The following HMGCL variants were observed in gnomAD, a reference collection of about 807,000 sequenced individuals.
The protein encoded by HMGCL is 3-hydroxy-3-methylglutaryl-CoA lyase, also known as hydroxymethylglutaryl-CoA lyase, mitochondrial.
Under a neutral mutation model 37.3 loss-of-function variants are expected in HMGCL, and 26 were observed. The observed-to-expected ratio is 0.70, with a 90% CI of 0.51 to 0.97. The LOEUF (loss-of-function observed/expected upper bound fraction) is 0.97. Among genes scored for constraint, HMGCL ranks in the 50% least tolerant of loss-of-function variants. The pLI is 0.00. For synonymous variants in HMGCL, 151 were observed against 148.0 expected, an observed-to-expected ratio of 1.02 and a Z score of -0.15; for missense variants, 379 against 398.1, an observed-to-expected ratio of 0.95 and a Z score of 0.41.
At chr1:23,810,886 T>C in intron 5 of HMGCL, 87 bp from the exon 6 acceptor site, 2 of 1,048,438 alleles carry the variant, frequency 1.9e-6, no homozygotes, top group Non-Finnish European at 3.0e-6. Context: ...CACACATTTC[T>C]GATCAGTGTG....
intron 1 of HMGCL, among the ~76,000 whole-genome samples, chr1:23,823,355 T>C (rs941206119): frequency 2.0e-5 from 3 of 151,342 alleles, no homozygotes. Context: ...CATATTTATT[T>C]ATTTATTTAT....
intron 1 of HMGCL, among the ~76,000 whole-genome samples, chr1:23,822,221 C>T (rs1242066954): frequency 6.6e-6 from 1 of 151,996 alleles, no homozygotes; most frequent in Admixed American, 6.6e-5. Context: ...CTGGACTTTT[C>T]GGGGTATGGG....
At chr1:23,822,351 C>T (rs921261457) in intron 1 of HMGCL, among the ~76,000 whole-genome samples, 5 of 152,170 alleles carry the variant, frequency 3.3e-5, no homozygotes, top group Admixed American at 3.3e-4. Context: ...CCCTGAGTCT[C>T]CTCTATATAA....
chr1:23,808,277 C>T lies in HMGCL; in HGVS notation c.608G>A (p.Gly203Glu), dbSNP rs1553131940. 1 of 1,614,090 alleles carries T rather than the reference C, an allele frequency of 6.2e-7. No individual in the cohort carries two copies. Among genetic ancestry groups the T allele is most frequent in the Non-Finnish European group, 8.5e-7 (1 of 1,179,986 alleles). Residue 203 changes from glycine to glutamate, a missense_variant, in exon 7 of 9, where the codon GGG becomes GAG. Physicochemically the swap from Gly to Glu is moderately conservative, Grantham distance 98. Coordinates refer to ENST00000374490, the MANE Select transcript of HMGCL (RefSeq NM_000191.3). ...TGGGGTGCCCACACCAATGGTGTCC[C>T]CCAGGGAGATCTCGTAGCAGCCCAT... ...YSMGCYEISL[G>E]DTIGVGTPGI... is the part of the protein sequence containing the mutation.
intron 4 of HMGCL, among the ~76,000 whole-genome samples, chr1:23,815,442 G>A (rs1289031293): frequency 6.6e-6 from 1 of 152,018 alleles, no homozygotes; most frequent in East Asian, 1.9e-4. Flanking sequence ...GACTGTGAGA[G>A]AATAAATTTC....
At chr1:23,804,265 T>G (rs1417892006) in intron 8 of HMGCL, 135 bp downstream of exon 8, 5 of 1,058,178 alleles carry the variant, frequency 4.7e-6, no homozygotes, top group Non-Finnish European at 7.0e-6. Flanking sequence ...CATGAGCCAC[T>G]GCGCCTGGCT....
rs1005488080 is a variant in HMGCL, at chr1:23,802,217, G to T, written c.*246C>A. ...TCAGGCATTCAACTCCTGGGCCAGG[G>T]TCCGTAACAAAGGGAGACTTCAGCC... On this transcript the variant is annotated 3_prime_UTR_variant, in exon 9 of 9. Coordinates refer to ENST00000374490, the MANE Select transcript of HMGCL (RefSeq NM_000191.3). 3 of 600,686 alleles carry T rather than the reference G, an allele frequency of 5.0e-6. No individual in the cohort carries two copies. In the East Asian group the frequency reaches 8.2e-5, roughly 16 times the overall value. 37.2% of individuals were successfully genotyped at this position (600,686 alleles called of 1,614,324 possible). A position where few individuals can be genotyped will look rare whatever the true frequency, so the allele number is the denominator to read the frequency against.
intron 1 of HMGCL, among the ~76,000 whole-genome samples, chr1:23,823,817 C>G (rs894679814): frequency 1.3e-5 from 2 of 151,810 alleles, no homozygotes; most frequent in Non-Finnish European, 2.9e-5. Context: ...TGAGATTGAG[C>G]CACTGCACTC....
intron 1 of HMGCL, among the ~76,000 whole-genome samples, chr1:23,821,612 C>A (rs576308332): frequency 2.0e-5 from 3 of 151,900 alleles, no homozygotes; most frequent in Non-Finnish European, 4.4e-5. Flanking sequence ...TGAGCTATGA[C>A]TGTGCCACTA....
At chr1:23,817,713 T>C (rs1638637253) in intron 2 of HMGCL, 130 bp from the exon 3 acceptor site, 1 of 703,714 alleles carries the variant, frequency 1.4e-6, no homozygotes, top group African/African-American at 1.7e-5. Flanking sequence ...GAAAAGGAGT[T>C]ATTTACATAG....
chr1:23,807,019 G>A (rs558816647), intron 7 of HMGCL: 5 of 519,004 alleles, frequency 9.6e-6, no homozygotes, highest in Admixed American at 3.9e-5. Flanking sequence ...ACTGCCAGAC[G>A]TCACACAGCT....
rs1483045252 is a variant in HMGCL, at chr1:23,808,250, C to T, written c.635G>A (p.Gly212Glu). ...LGDTIGVGTP[G>E]IMKDMLSAVM... ...AGCAGATAGCATGTCTTTCATGATCCCTGGGGTGCCCACACCAATGGTGTC... is the reference window on the plus strand; with the variant it reads ...AGCAGATAGCATGTCTTTCATGATCTCTGGGGTGCCCACACCAATGGTGTC... Residue 212 changes from glycine to glutamate, a missense_variant, in exon 7 of 9, where the codon GGG becomes GAG. By Grantham distance (98) the Gly-to-Glu change is moderately conservative. Transcript: ENST00000374490. 4.3e-6 allele frequency: 7 copies of T among 1,614,014 alleles called. No homozygotes were observed. Among genetic ancestry groups the T allele is most frequent in the South Asian group, 1.1e-5 (1 of 91,082 alleles).
chr1:23,818,319 C>A (rs916297267), intron 2 of HMGCL, among the ~76,000 whole-genome samples: 1 of 151,994 alleles, frequency 6.6e-6, no homozygotes, highest in African/African-American at 2.4e-5. Context: ...ATTAGCCAGG[C>A]GTGGTGGCAC....
At chr1:23,823,235 A>C (rs1638754270) in intron 1 of HMGCL, among the ~76,000 whole-genome samples, 1 of 150,522 alleles carries the variant, frequency 6.6e-6, no homozygotes. Context: ...TGCTTTTATT[A>C]GAACATTATA....
rs770526287 is a variant in HMGCL at position 23,802,492 on chromosome 1, T to C, written c.949A>G (p.Lys317Glu). The C allele has an allele frequency of 1.2e-6, 2 of 1,613,956 alleles. No individual in the cohort carries two copies. The highest frequency in any genetic ancestry group is 1.7e-6 in the Non-Finnish European group (2 of 1,179,782). Residue 317 changes from lysine to glutamate, a missense_variant, in exon 9 of 9, where the codon AAA (lysine) becomes GAA (glutamate). Lys to Glu is a moderately conservative substitution (Grantham distance 56, BLOSUM62 1). Transcript: ENST00000374490. ...AGTTTACAGGTAGCCTGAGCCACTT[T>C]GGAGCTAGTTTTTCTGTTCAGGGCT... is the stretch of plus-strand genomic sequence containing the variant. Reference protein sequence around the residue: ...CQALNRKTSSKVAQATCKL With the variant: ...CQALNRKTSSEVAQATCKL
intron 5 of HMGCL, among the ~76,000 whole-genome samples, chr1:23,811,682 C>G (rs1479901727): frequency 1.3e-5 from 2 of 151,994 alleles, no homozygotes; most frequent in Non-Finnish European, 2.9e-5. Context: ...CTGAGGCAGA[C>G]AGAGCAAGGG....
chr1:23,805,697 T>G (rs573184658), intron 7 of HMGCL, among the ~76,000 whole-genome samples: 1 of 152,144 alleles, frequency 6.6e-6, no homozygotes, highest in South Asian at 2.1e-4. Flanking sequence ...CTGATCTCGG[T>G]TGGAGCCCTT....
In HMGCL at chr1:23,817,550, T is replaced by A; in HGVS notation, c.178A>T (p.Ile60Leu). 1 of 1,613,268 alleles carries A rather than the reference T, an allele frequency of 6.2e-7. No individual in the cohort carries two copies. The highest frequency in any genetic ancestry group is 1.1e-5 in the South Asian group (1 of 91,064). The stretch of plus-strand genomic sequence containing the variant: ...AGTCCTGCTTCAGAAAGCATGTCTA[T>A]CAGCTTGATTTTCACTGGAGTAGAT... ...IVSTPVKIKL[I>L]DMLSEAGLSV... The change falls in exon 3 of 9, where the codon ATA becomes TTA. Residue 60 changes from isoleucine to leucine, a missense_variant. By Grantham distance (5) the Ile-to-Leu change is conservative. Coordinates refer to ENST00000374490, the MANE Select transcript of HMGCL (RefSeq NM_000191.3).
At position 23,802,498 on chromosome 1, in the gene HMGCL, T is replaced by A. The variant is rs745535485; in HGVS notation, c.943A>T (p.Ser315Cys). The change falls in exon 9 of 9, where the codon AGC (serine) becomes TGC (cysteine). Residue 315 changes from serine (S) to cysteine (C), a missense_variant. Physicochemically the swap from Ser to Cys is moderately radical, Grantham distance 112. Coordinates refer to ENST00000374490, the MANE Select transcript of HMGCL (RefSeq NM_000191.3). ...FICQALNRKT[S>C]SKVAQATCKL Reference sequence around the variant, plus strand: ...CAGGTAGCCTGAGCCACTTTGGAGCTAGTTTTTCTGTTCAGGGCTTGACAG... The same window carrying A: ...CAGGTAGCCTGAGCCACTTTGGAGCAAGTTTTTCTGTTCAGGGCTTGACAG... The A allele has an allele frequency of 4.3e-6, 7 of 1,614,010 alleles. No individual in the cohort carries two copies. The highest frequency in any genetic ancestry group is 1.6e-4 in the Middle Eastern group (1 of 6,062).
Sources: gnomAD v4.1 joint callset for allele counts (sites outside exome capture counted in the v4.1 genomes callset) on GRCh38, gnomAD v4.1.1 for gene constraint, MANE v1.5 for transcripts, NCBI Gene and HGNC (gene_info 2026-07-23, HGNC 2026-07-21) for gene names.